The following POTEE variants were observed in gnomAD, a reference collection of about 807,000 sequenced individuals.
The protein encoded by POTEE is POTE ankyrin domain family member E, also known as ANKRD26-like family C member 1A.
POTEE carries 21 observed loss-of-function variants against 74.2 expected under a neutral mutation model. The ratio of observed to expected loss-of-function variants is 0.28; its 90% CI spans 0.20 to 0.41. The LOEUF is 0.41. POTEE is among the 10% of genes least tolerant of loss of function. The probability of loss-of-function intolerance (pLI) is 1.00; values close to 1 mark genes in which losing one functional copy is unlikely to be tolerated. For synonymous variants in POTEE, 211 were observed against 432.8 expected, an observed-to-expected ratio of 0.49 and a Z score of 6.36; for missense variants, 525 against 1,158.6, an observed-to-expected ratio of 0.45 and a Z score of 7.94.
At position 131,218,705 on chromosome 2, in the gene POTEE, G is replaced by GT; in HGVS notation, c.304dup (p.Cys102LeufsTer24). The GT allele has an allele frequency of 7.3e-7, 1 of 1,366,552 alleles. No individual in the cohort carries two copies. Among genetic ancestry groups the GT allele is most frequent in the Non-Finnish European group, 9.9e-7 (1 of 1,011,240 alleles). The allele number at this position is 1,366,552 out of a possible 1,614,324, so 84.7% of individuals were successfully genotyped here. ...CACTCAGGAACAAGATGGGGAAGTG[G>GT]TGCTGCCACTGCTTCCCCTGCTGCA... On this transcript the variant is annotated frameshift_variant, in exon 4 of 18. Transcript: ENST00000683005. LOFTEE classifies it high-confidence loss of function.
intron 1 of POTEE, among the ~76,000 whole-genome samples, chr2:131,210,330 T>TG (rs1700331226): frequency 2.9e-5 from 1 of 34,510 alleles, no homozygotes; most frequent in South Asian, 1.2e-3. Context: ...GTGGAAGGGG[T>TG]GGTTGGGGGG....
intron 4 of POTEE, among the ~76,000 whole-genome samples, chr2:131,219,835 G>C (rs1559170390): frequency 1.3e-5 from 2 of 151,944 alleles, no homozygotes; most frequent in African/African-American, 2.4e-5. Flanking sequence ...TACACATGCT[G>C]TCTTTTATTA....
At chr2:131,221,425 C>T (rs1423818223) in intron 4 of POTEE, among the ~76,000 whole-genome samples, 1 of 152,118 alleles carries the variant, frequency 6.6e-6, no homozygotes, top group Admixed American at 6.6e-5. Flanking sequence ...AAAATATAAT[C>T]AAACTTGTTT....
intron 16 of POTEE, among the ~76,000 whole-genome samples, chr2:131,256,955 C>G (rs1357194196): frequency 6.6e-6 from 1 of 152,300 alleles, no homozygotes; most frequent in Non-Finnish European, 1.5e-5. Context: ...GATTTATCAT[C>G]TTTAACTTCA....
rs558525163 is a variant in POTEE, at chr2:131,265,005, G to C, written c.*322G>C. On this transcript the variant is annotated 3_prime_UTR_variant, in exon 18 of 18. Coordinates refer to ENST00000683005, the MANE Select transcript of POTEE (RefSeq NM_001083538.3). ...AAAAGCCATCCCACTTCTCTCTAAG[G>C]AGAATGGCCCAGTCCTCTCCCTAGT... is the stretch of plus-strand genomic sequence containing the variant. 1.1e-3 allele frequency: 571 copies of C among 519,180 alleles called. 10 individuals are homozygous for C. The South Asian group carries it at 0.011, about 10-fold the overall frequency. 32.2% of individuals were successfully genotyped at this position (519,180 alleles called of 1,614,324 possible).
chr2:131,221,935 T>C (rs1484906933), intron 4 of POTEE, among the ~76,000 whole-genome samples: 1 of 152,246 alleles, frequency 6.6e-6, no homozygotes, highest in Non-Finnish European at 1.5e-5. Context: ...AGACACCTAT[T>C]ATGTGGCAGG....
chr2:131,220,438 T>C (rs1700582658), intron 4 of POTEE, among the ~76,000 whole-genome samples: 2 of 152,102 alleles, frequency 1.3e-5, no homozygotes, highest in Admixed American at 6.5e-5. Flanking sequence ...ACTCCTGTCC[T>C]CGTGATCCAC....
Position 131,223,625 on chromosome 2 carries a change from G to A in POTEE, c.551G>A (p.Gly184Glu), listed in dbSNP as rs1573704100. Residue 184 changes from glycine to glutamate, a missense_variant, in exon 5 of 18, where the codon GGG (glycine) becomes GAG (glutamate). Transcript: ENST00000683005. Reference protein sequence around the residue: ...RTALHLASANGNSEVVKLLLD... With the variant: ...RTALHLASANENSEVVKLLLD... ...GCTCTACATCTGGCCTCTGCCAATG[G>A]GAATTCAGAAGTAGTAAAACTCCTG... 1 of 1,612,110 alleles carries A rather than the reference G, an allele frequency of 6.2e-7. No homozygotes were observed. Among genetic ancestry groups the A allele is most frequent in the Non-Finnish European group, 8.5e-7 (1 of 1,179,802 alleles).
At position 131,218,598 on chromosome 2, in the gene POTEE, C is replaced by T. The variant is rs747997151; in HGVS notation, c.196C>T (p.His66Tyr). 1.0e-5 allele frequency: 16 copies of T among 1,607,314 alleles called. No individual in the cohort carries two copies. The highest frequency in any genetic ancestry group is 1.4e-5 in the African/African-American group (1 of 72,624). ...TLRSKMGKWC[H>Y]HCFPCCRGSG... ...CAGGAGCAAGATGGGCAAGTGGTGC[C>T]ACCACTGCTTCCCCTGCTGCAGGGG... is the stretch of plus-strand genomic sequence containing the variant. The change falls in exon 4 of 18, where the codon CAC becomes TAC. Residue 66 changes from histidine (H) to tyrosine (Y), a missense_variant. Coordinates refer to ENST00000683005, the MANE Select transcript of POTEE (RefSeq NM_001083538.3).
intron 9 of POTEE, among the ~76,000 whole-genome samples, chr2:131,235,818 GAAAAA>G (rs1048115966): frequency 7.3e-6 from 1 of 137,772 alleles, no homozygotes; most frequent in Admixed American, 7.4e-5. Flanking sequence ...AAAAAAGAAA[GAAAAA>G]AGAAAATAAA....
At chr2:131,235,792 CAAAAAAAAAA>C (rs1203876832) in intron 9 of POTEE, among the ~76,000 whole-genome samples, 3 of 79,144 alleles carry the variant, frequency 3.8e-5, no homozygotes, top group Non-Finnish European at 6.6e-5. Context: ...GACCCTGGCT[CAAAAAAAAAA>C]AAAAAAAAAA....
In POTEE at chr2:131,211,185, TAGG is replaced by T. The variant is rs369349236; in HGVS notation, c.-189+6_-189+8del. Among the ~76,000 whole-genome samples the T allele has an allele frequency of 0.014, 2,152 of 151,000 alleles. 8 individuals carry two copies. Among genetic ancestry groups the T allele is most frequent in the African/African-American group, 0.051 (2,048 of 40,540 alleles). Reference sequence around the variant, plus strand: ...GGAGACTGCAGCTCGACAGGAGTGGTAGGAGGGTGCCCGCGGGGGCAAGGTGGT... The same window carrying T: ...GGAGACTGCAGCTCGACAGGAGTGGTAGGGTGCCCGCGGGGGCAAGGTGGT... On this transcript the variant is annotated splice_donor_5th_base_variant and intron_variant, in intron 2 of 17. Transcript: ENST00000683005.
chr2:131,232,984 C>T (rs1258960147), intron 9 of POTEE, among the ~76,000 whole-genome samples: 2 of 151,988 alleles, frequency 1.3e-5, no homozygotes, highest in Non-Finnish European at 2.9e-5. Flanking sequence ...AGGTAAATAC[C>T]TGATTAGCTT....
intron 16 of POTEE, among the ~76,000 whole-genome samples, chr2:131,260,268 C>T (rs1257598877): frequency 6.0e-5 from 9 of 149,738 alleles, no homozygotes; most frequent in African/African-American, 1.8e-4. Context: ...CATATTTGTT[C>T]CTTTTGCTTG....
At chr2:131,225,905 TTC>T (rs755307122) in intron 6 of POTEE, among the ~76,000 whole-genome samples, 1 of 152,206 alleles carries the variant, frequency 6.6e-6, no homozygotes, top group Non-Finnish European at 1.5e-5. Context: ...ATAAGACCTT[TTC>T]CTTCCTACCA....
intron 4 of POTEE, among the ~76,000 whole-genome samples, chr2:131,222,684 A>G (rs1700659907): frequency 6.6e-6 from 1 of 152,260 alleles, no homozygotes; most frequent in Admixed American, 6.5e-5. Context: ...GATATATTGT[A>G]TAAATCTAAG....
chr2:131,248,976 AG>A (rs1300129761), intron 13 of POTEE, among the ~76,000 whole-genome samples: 2 of 151,714 alleles, frequency 1.3e-5, no homozygotes, highest in Non-Finnish European at 2.9e-5. Flanking sequence ...CATAATGAAA[AG>A]AAGTAAGAGA....
At chr2:131,235,735 A>G (rs2105100493) in intron 9 of POTEE, among the ~76,000 whole-genome samples, 1 of 137,850 alleles carries the variant, frequency 7.3e-6, no homozygotes, top group Admixed American at 8.5e-5. Flanking sequence ...CAGAGGTTGC[A>G]GTGAGCTGAG....
chr2:131,212,903 C>A (rs1037987162), intron 2 of POTEE, among the ~76,000 whole-genome samples: 4 of 150,968 alleles, frequency 2.6e-5, no homozygotes, highest in African/African-American at 9.8e-5. Flanking sequence ...TCTGCCTGAG[C>A]AAACCTGGTT....
Sources: gnomAD v4.1 joint callset for allele counts (sites outside exome capture counted in the v4.1 genomes callset) on GRCh38, gnomAD v4.1.1 for gene constraint, MANE v1.5 for transcripts, NCBI Gene and HGNC (gene_info 2026-07-23, HGNC 2026-07-21) for gene names.